CRACD: variants seen among roughly 807,000 people sequenced by gnomAD.
The protein encoded by CRACD is capping protein inhibiting regulator of actin dynamics, also known as capping protein-inhibiting regulator of actin dynamics.
A neutral mutation model predicts 106.8 loss-of-function variants in CRACD; 56 were observed. The ratio of observed to expected loss-of-function variants is 0.52; its 90% CI spans 0.42 to 0.66. CRACD has a LOEUF of 0.66. Among genes scored for constraint, CRACD ranks in the 30% least tolerant of loss-of-function variants. The pLI is 0.00. For missense variants in CRACD, 1,730 were observed against 1,623.2 expected (o/e 1.07, Z -1.13); for synonymous variants, 754 against 670.8 (o/e 1.12, Z -1.92).
chr4:56,117,676 G>T (rs1315002517), intron 1 of CRACD, among the ~76,000 whole-genome samples: 2 of 152,122 alleles, frequency 1.3e-5, no homozygotes, highest in African/African-American at 4.8e-5. Context: ...GGTTAAGATG[G>T]TAACTTTTAT....
chr4:56,282,886 G>T (rs1305077356), intron 3 of CRACD, among the ~76,000 whole-genome samples: 2 of 152,210 alleles, frequency 1.3e-5, no homozygotes, highest in Non-Finnish European at 2.9e-5. Context: ...TTCGCAGATA[G>T]TGGCACCAGA....
chr4:56,259,291 G>A lies in CRACD; in HGVS notation c.-188-13030G>A, dbSNP rs79639934. On this transcript the variant is annotated intron_variant, in intron 2 of 10. Transcript: ENST00000682029. ...GGTTGTAAGGGGGCTGTTGCCTTGA[G>A]ATCCTCTCTAGGTGGGAGAGAATTC... 1.9e-4 allele frequency among the ~76,000 whole-genome samples: 29 copies of A among 152,248 alleles called. No homozygotes were observed. The East Asian group carries it at 3.5e-3, about 18-fold the overall frequency.
At chr4:56,213,213 G>A (rs548515560) in intron 2 of CRACD, among the ~76,000 whole-genome samples, 20 of 152,286 alleles carry the variant, frequency 1.3e-4, no homozygotes, top group East Asian at 5.8e-4. Flanking sequence ...TTGGGAGGCC[G>A]AGGCAGGTGG....
chr4:56,185,245 G>A (rs574859537), intron 2 of CRACD, among the ~76,000 whole-genome samples: 10 of 152,120 alleles, frequency 6.6e-5, no homozygotes, highest in Non-Finnish European at 1.2e-4. Flanking sequence ...GCGTGAGCCA[G>A]CGCACCCGGC....
intron 1 of CRACD, among the ~76,000 whole-genome samples, chr4:56,169,671 A>G (rs955116610): frequency 6.6e-6 from 1 of 151,798 alleles, no homozygotes; most frequent in Non-Finnish European, 1.5e-5. Context: ...TAATTTTTGT[A>G]TTTTTTTGTA....
At chr4:56,318,835 C>A (rs1745856485) in intron 8 of CRACD, among the ~76,000 whole-genome samples, 1 of 152,200 alleles carries the variant, frequency 6.6e-6, no homozygotes, top group South Asian at 2.1e-4. Context: ...TGATTGTATA[C>A]ATGTAGTATC....
chr4:56,290,381 G>A (rs181902515), intron 3 of CRACD, among the ~76,000 whole-genome samples: 140 of 152,328 alleles, frequency 9.2e-4, no homozygotes, highest in African/African-American at 2.3e-3. Flanking sequence ...AAAGATAGGA[G>A]TTCTGTGGGA....
At chr4:56,061,023 A>G (rs1388086028) in intron 1 of CRACD, among the ~76,000 whole-genome samples, 1 of 152,196 alleles carries the variant, frequency 6.6e-6, no homozygotes, top group Non-Finnish European at 1.5e-5. Flanking sequence ...CGTATAAACT[A>G]AGACAAGTGC....
intron 1 of CRACD, among the ~76,000 whole-genome samples, chr4:56,082,406 A>C (rs535189556): frequency 2.0e-5 from 3 of 152,242 alleles, no homozygotes; most frequent in African/African-American, 7.2e-5. Context: ...AAGGAGGGCC[A>C]TAAGTTTATG....
intron 1 of CRACD, among the ~76,000 whole-genome samples, chr4:56,083,301 A>G (rs1733098995): frequency 6.6e-6 from 1 of 152,242 alleles, no homozygotes. Flanking sequence ...TTAGCTAAGC[A>G]GCAAGTTGAA....
chr4:56,223,084 G>A (rs1057454852), intron 2 of CRACD, among the ~76,000 whole-genome samples: 1 of 151,358 alleles, frequency 6.6e-6, no homozygotes, highest in African/African-American at 2.4e-5. Context: ...TAATGGCCAT[G>A]GTAAAATCTC....
At chr4:56,193,162 A>T (rs1032398611) in intron 2 of CRACD, among the ~76,000 whole-genome samples, 3 of 152,226 alleles carry the variant, frequency 2.0e-5, no homozygotes, top group African/African-American at 7.2e-5. Flanking sequence ...GAGCTTGTGC[A>T]GAGTCACTCC....
intron 2 of CRACD, among the ~76,000 whole-genome samples, chr4:56,257,996 G>T (rs974885413): frequency 1.3e-5 from 2 of 151,738 alleles, no homozygotes; most frequent in Admixed American, 6.6e-5. Context: ...CTTGAACCCG[G>T]GAGGCAGAGG....
At chr4:56,266,822 A>G (rs1049463235) in intron 2 of CRACD, among the ~76,000 whole-genome samples, 1 of 152,208 alleles carries the variant, frequency 6.6e-6, no homozygotes, top group Non-Finnish European at 1.5e-5. Context: ...GCTAATAGAC[A>G]TATGCTCAGG....
At chr4:56,218,905 G>A (rs561824011) in intron 2 of CRACD, among the ~76,000 whole-genome samples, 46 of 152,172 alleles carry the variant, frequency 3.0e-4, no homozygotes, top group South Asian at 4.2e-4. Flanking sequence ...CTATAACATA[G>A]AGCAATACAT....
At chr4:56,056,656 G>A (rs1012754254) in intron 1 of CRACD, among the ~76,000 whole-genome samples, 4 of 152,036 alleles carry the variant, frequency 2.6e-5, no homozygotes, top group Non-Finnish European at 4.4e-5. Flanking sequence ...TTAGCTGGGC[G>A]TGGTGGCACA....
chr4:56,327,762 G>A lies in CRACD; in HGVS notation c.3660G>A (p.Arg1220=), dbSNP rs2109808759. The stretch of plus-strand genomic sequence containing the variant: ...CAGCCTGGCTGGCTTTGGCCAAAAG[G>A]AAAGCAAAGGCTTGGAGCGACTGTC... The part of the protein sequence containing the change: ...TEPAWLALAK[R]KAKAWSDCPQ... Residue 1220 remains arginine (R), a synonymous_variant, in exon 11 of 11, where the codon AGG becomes AGA. Coordinates refer to ENST00000682029, the MANE Select transcript of CRACD (RefSeq NM_001393381.1). 1 of 1,614,164 alleles carries A rather than the reference G, an allele frequency of 6.2e-7. No homozygotes were observed. The highest frequency in any genetic ancestry group is 8.5e-7 in the Non-Finnish European group (1 of 1,180,018).
chr4:56,203,820 T>A (rs1737997773), intron 2 of CRACD, among the ~76,000 whole-genome samples: 1 of 152,172 alleles, frequency 6.6e-6, no homozygotes, highest in African/African-American at 2.4e-5. Context: ...AAGTAACCTA[T>A]CACCAAGAAC....
chr4:56,092,205 G>A (rs1733444618), intron 1 of CRACD, among the ~76,000 whole-genome samples: 1 of 152,164 alleles, frequency 6.6e-6, no homozygotes, highest in Non-Finnish European at 1.5e-5. Context: ...TCACTGAGGA[G>A]GAAACTTTTC....
Sources: gnomAD v4.1 joint callset for allele counts (sites outside exome capture counted in the v4.1 genomes callset) on GRCh38, gnomAD v4.1.1 for gene constraint, MANE v1.5 for transcripts, NCBI Gene and HGNC (gene_info 2026-07-23, HGNC 2026-07-21) for gene names.